The following POLR2B variants were observed in gnomAD, a reference collection of about 807,000 sequenced individuals.
The protein encoded by POLR2B is RNA polymerase II subunit B.
POLR2B carries 57 observed loss-of-function variants against 144.6 expected under a neutral mutation model. The ratio of observed to expected loss-of-function variants is 0.39; its 90% CI spans 0.32 to 0.49. The LOEUF (loss-of-function observed/expected upper bound fraction) is 0.49, where lower values mean the gene tolerates loss of function less well. POLR2B is among the 20% of genes least tolerant of loss of function. POLR2B has a pLI of 0.83. For missense variants in POLR2B, 595 were observed against 1,467.4 expected (o/e 0.41, Z 9.71); for synonymous variants, 442 against 469.8 (o/e 0.94, Z 0.77).
At position 57,023,784 on chromosome 4, in the gene POLR2B, CA is replaced by C. The variant is rs1723625747; in HGVS notation, c.2856+34del. 1 of 1,359,798 alleles carries C rather than the reference CA, an allele frequency of 7.4e-7. No individual in the cohort carries two copies. Among genetic ancestry groups the C allele is most frequent in the East Asian group, 2.3e-5 (1 of 43,076 alleles). 84.2% of individuals were successfully genotyped at this position (1,359,798 alleles called of 1,614,324 possible). A position where few individuals can be genotyped will look rare whatever the true frequency, so the allele number is the denominator to read the frequency against. On this transcript the variant is annotated intron_variant, in intron 20 of 24. Coordinates refer to ENST00000314595, the MANE Select transcript of POLR2B (RefSeq NM_000938.3). The surrounding 1 kb of genome is among the most constrained non-coding windows in gnomAD (Gnocchi z 4.3). ...TCTTTGATCTCCCTCATGCCCAAAC[CA>C]GTTTTGTTAAATATTTTTTTTTTAA... is the stretch of plus-strand genomic sequence containing the variant.
In POLR2B at chr4:56,985,439, C is replaced by T. The variant is rs146143834; in HGVS notation, c.20-915C>T. ...CACTCCCCCCCGCCGCCCCGTGGGG[C>T]GGCCCCGACTTTCGGGCGGTGAGTG... is the stretch of plus-strand genomic sequence containing the variant. On this transcript the variant is annotated intron_variant, in intron 1 of 24. Transcript: ENST00000314595. The T allele has an allele frequency of 1.3e-3, 1,303 of 985,190 alleles. 11 individuals are homozygous for T. In the African/African-American group the frequency reaches 0.021, roughly 16 times the overall value. The allele number at this position is 985,190 out of a possible 1,614,324, so 61.0% of individuals were successfully genotyped here. A position where few individuals can be genotyped will look rare whatever the true frequency, so the allele number is the denominator to read the frequency against.
chr4:56,995,413 T>G lies in POLR2B; in HGVS notation c.735+4T>G. 6.3e-7 allele frequency: 1 copy of G among 1,592,648 alleles called. No individual in the cohort carries two copies. The highest frequency in any genetic ancestry group is 1.3e-5 in the African/African-American group (1 of 74,570). ...CATGCTGGCAAGAGGAGGACAGGTATGGACTGGATATGATGCTATTTGGGT... is the reference window on the plus strand; with the variant it reads ...CATGCTGGCAAGAGGAGGACAGGTAGGGACTGGATATGATGCTATTTGGGT... On this transcript the variant is annotated splice_donor_region_variant and intron_variant, in intron 6 of 24. Coordinates refer to ENST00000314595, the MANE Select transcript of POLR2B (RefSeq NM_000938.3).
At chr4:57,002,120 C>T (rs534087801) in intron 7 of POLR2B, among the ~76,000 whole-genome samples, 34 of 152,206 alleles carry the variant, frequency 2.2e-4, no homozygotes, top group African/African-American at 6.3e-4. Flanking sequence ...CTCGACTTCC[C>T]GGGCACCAGT....
intron 3 of POLR2B, 21 bp from the exon 4 acceptor site, chr4:56,994,383 T>G: frequency 1.6e-6 from 2 of 1,235,962 alleles, no homozygotes; most frequent in Admixed American, 1.9e-5. Context: ...ACCCTTTTCA[T>G]GTTTTTTTGT....
At chr4:56,994,583 C>A in intron 4 of POLR2B, 64 bp from the exon 5 acceptor site, 1 of 1,445,578 alleles carries the variant, frequency 6.9e-7, no homozygotes, top group Non-Finnish European at 9.7e-7. Context: ...TAATTTTAAC[C>A]ACTTGAGGAT....
intron 3 of POLR2B, among the ~76,000 whole-genome samples, chr4:56,992,492 A>AAAAAAAAAAAAAG (rs760090936): frequency 1.1e-5 from 1 of 88,482 alleles, no homozygotes; most frequent in Non-Finnish European, 2.1e-5. Flanking sequence ...AAAAAAAAAA[A>AAAAAAAAAAAAAG]GAAAAGAAAA....
At chr4:57,025,111 A>C (rs1218153265) in intron 22 of POLR2B, 112 bp downstream of exon 22, 6 of 647,438 alleles carry the variant, frequency 9.3e-6, no homozygotes, top group Non-Finnish European at 1.6e-5. Flanking sequence ...CACATATAGA[A>C]ATGTACAGCT....
chr4:57,018,189 A>G (rs1416815627), intron 16 of POLR2B, among the ~76,000 whole-genome samples: 1 of 152,136 alleles, frequency 6.6e-6, no homozygotes, highest in Non-Finnish European at 1.5e-5. Context: ...TTTTATTTTG[A>G]AAATGGAGAC....
chr4:57,011,565 C>T (rs1423876080), intron 13 of POLR2B, among the ~76,000 whole-genome samples: 1 of 151,958 alleles, frequency 6.6e-6, no homozygotes, highest in East Asian at 1.9e-4. Context: ...TGGCTCACGC[C>T]TGTAATCCCA....
intron 1 of POLR2B, among the ~76,000 whole-genome samples, chr4:56,984,908 C>T (rs760073587): frequency 3.3e-5 from 5 of 152,028 alleles, no homozygotes; most frequent in African/African-American, 4.8e-5. Context: ...TGCATAACTA[C>T]GCTAAAATTT....
At chr4:56,984,110 C>G (rs1216809025) in intron 1 of POLR2B, among the ~76,000 whole-genome samples, 2 of 111,956 alleles carry the variant, frequency 1.8e-5, no homozygotes, top group Admixed American at 1.9e-4. Context: ...AGTGATCTGC[C>G]TGCCTCGGCC....
intron 7 of POLR2B, 134 bp downstream of exon 7, chr4:56,999,915 G>C: frequency 1.7e-6 from 1 of 582,022 alleles, no homozygotes; most frequent in South Asian, 2.6e-5. Flanking sequence ...GCCATTTACT[G>C]TGTAGTGAAA....
intron 3 of POLR2B, among the ~76,000 whole-genome samples, chr4:56,993,671 C>G (rs892499128): frequency 1.3e-5 from 2 of 151,964 alleles, no homozygotes; most frequent in African/African-American, 4.8e-5. Flanking sequence ...TTTCTATGAA[C>G]TAAGCTATAT....
At chr4:56,994,332 T>C in intron 3 of POLR2B, 72 bp from the exon 4 acceptor site, 1 of 772,044 alleles carries the variant, frequency 1.3e-6, no homozygotes, top group South Asian at 1.7e-5. Flanking sequence ...TTAATGTCAA[T>C]TAAAATGGAA....
chr4:57,013,021 A>T (rs1218582660), intron 13 of POLR2B, among the ~76,000 whole-genome samples: 1 of 151,996 alleles, frequency 6.6e-6, no homozygotes, highest in Non-Finnish European at 1.5e-5. Flanking sequence ...TTGTATTTTT[A>T]GTAGAGACTG....
At chr4:56,998,961 A>G (rs1722771572) in intron 6 of POLR2B, among the ~76,000 whole-genome samples, 1 of 152,180 alleles carries the variant, frequency 6.6e-6, no homozygotes, top group East Asian at 1.9e-4. Flanking sequence ...GATAGAGTGA[A>G]ATTAATATTG....
chr4:56,998,996 G>A (rs889416831), intron 6 of POLR2B, among the ~76,000 whole-genome samples: 6 of 152,108 alleles, frequency 3.9e-5, no homozygotes, highest in African/African-American at 1.4e-4. Context: ...GATTAAAACT[G>A]AGAAGTCAGG....
Position 57,023,441 on chromosome 4 carries a change from A to T in POLR2B, c.2627A>T (p.Asn876Ile). 1 of 1,614,122 alleles carries T rather than the reference A, an allele frequency of 6.2e-7. No individual in the cohort carries two copies. Among genetic ancestry groups the T allele is most frequent in the Non-Finnish European group, 8.5e-7 (1 of 1,180,004 alleles). The change falls in exon 19 of 25, where the codon AAT (asparagine) becomes ATT (isoleucine). Residue 876 changes from asparagine (N) to isoleucine (I), a missense_variant. Physicochemically the swap from Asn to Ile is moderately radical, Grantham distance 149. Around this residue, in one of 9 missense-constraint regions of POLR2B, gnomAD observed 75 missense variants for 100.0 expected, o/e 0.75. Transcript: ENST00000314595. The surrounding 1 kb of genome is among the most constrained non-coding windows in gnomAD (Gnocchi z 4.3). ...IIGKTVTLPENEDELESTNRR... is the reference protein window; with the variant it reads ...IIGKTVTLPEIEDELESTNRR... ...GGCAAAACAGTCACCTTGCCTGAAA[A>T]TGAAGATGAATTGGAGAGCACCAAT...
intron 13 of POLR2B, among the ~76,000 whole-genome samples, chr4:57,011,812 A>G (rs1457356463): frequency 6.6e-6 from 1 of 152,108 alleles, no homozygotes; most frequent in Non-Finnish European, 1.5e-5. Flanking sequence ...ACAGAGCGAG[A>G]CTCCATCTCA....
Sources: allele counts gnomAD v4.1 joint callset (sites outside exome capture counted in the v4.1 genomes callset), GRCh38; gene constraint gnomAD v4.1.1; regional missense constraint gnomAD v4.1.1; non-coding constraint Gnocchi (gnomAD v3.1); transcripts MANE v1.5; gene names NCBI Gene and HGNC (gene_info 2026-07-23, HGNC 2026-07-21).